TRIM2: variants seen among roughly 807,000 people sequenced by gnomAD.
TRIM2 encodes the protein tripartite motif-containing protein 2.
TRIM2 carries 20 observed loss-of-function variants against 75.2 expected under a neutral mutation model. The ratio of observed to expected loss-of-function variants is 0.27; its 90% CI spans 0.19 to 0.39. The LOEUF is 0.39. Ranked by LOEUF, TRIM2 falls within the 10% of genes least tolerant of loss-of-function variation. TRIM2 has a pLI of 1.00. For synonymous variants in TRIM2, 373 were observed against 388.3 expected, an observed-to-expected ratio of 0.96 and a Z score of 0.46; for missense variants, 660 against 990.8, an observed-to-expected ratio of 0.67 and a Z score of 4.48.
rs756395544 is a variant in TRIM2 at position 153,328,526 on chromosome 4, A to C, written c.2023-4A>C. 2 of 1,599,206 alleles carry C rather than the reference A, an allele frequency of 1.3e-6. No individual in the cohort carries two copies. The highest frequency in any genetic ancestry group is 2.3e-5 in the South Asian group (2 of 87,662). On this transcript the variant is annotated splice_region_variant and splice_polypyrimidine_tract_variant and intron_variant, in intron 10 of 11. Transcript: ENST00000338700. ...ACAAAATAATTTAAAAATATTTCAT[A>C]CAGGTGTTTAATCAGGAAGGAGAAT...
intron 1 of TRIM2, among the ~76,000 whole-genome samples, chr4:153,247,921 T>C (rs1367934011): frequency 1.3e-5 from 2 of 151,854 alleles, no homozygotes; most frequent in African/African-American, 4.8e-5. Context: ...CTCATAAATC[T>C]AGTAGTGGCC....
At chr4:153,164,050 A>T (rs1286791397) in intron 1 of TRIM2, among the ~76,000 whole-genome samples, 2 of 152,226 alleles carry the variant, frequency 1.3e-5, no homozygotes, top group Admixed American at 6.5e-5. Flanking sequence ...CTGTACAATT[A>T]AGCTAACTTC....
In TRIM2 at chr4:153,294,493, C is replaced by T; in HGVS notation, c.786+8C>T. On this transcript the variant is annotated splice_region_variant and intron_variant, in intron 5 of 11. Transcript: ENST00000338700. Reference sequence around the variant, plus strand: ...TATGGCCTCAAACACAAAGTAAGACCAGAATCATTACAGATGTCCTGGAAG... The same window carrying T: ...TATGGCCTCAAACACAAAGTAAGACTAGAATCATTACAGATGTCCTGGAAG... 1.2e-6 allele frequency: 2 copies of T among 1,611,990 alleles called. No homozygotes were observed. The highest frequency in any genetic ancestry group is 1.3e-5 in the African/African-American group (1 of 74,960).
At chr4:153,310,016 G>A (rs1765904541) in intron 6 of TRIM2, 1 of 152,178 alleles carries the variant, frequency 6.6e-6, no homozygotes, top group South Asian at 2.1e-4. Context: ...TTCACCTTAT[G>A]TAATCTTCCT....
intron 6 of TRIM2, among the ~76,000 whole-genome samples, chr4:153,300,911 C>G (rs1444047292): frequency 6.6e-6 from 1 of 151,376 alleles, no homozygotes; most frequent in Non-Finnish European, 1.5e-5. Context: ...GACATGGGGG[C>G]CGGGCACAGT....
In TRIM2 at chr4:153,204,681, G is replaced by T. The variant is rs993947681; in HGVS notation, c.30+121G>T. The T allele has an allele frequency of 3.2e-6, 4 of 1,268,016 alleles. No homozygotes were observed. The African/African-American group carries it at 6.0e-5, about 19-fold the overall frequency. 78.5% of individuals were successfully genotyped at this position (1,268,016 alleles called of 1,614,324 possible). A position where few individuals can be genotyped will look rare whatever the true frequency, so the allele number is the denominator to read the frequency against. On this transcript the variant is annotated intron_variant, in intron 1 of 11. Coordinates refer to ENST00000338700, the MANE Select transcript of TRIM2 (RefSeq NM_015271.5). ...TCCTGGTTTTAATTTTTTCCCTGCA[G>T]AAGAGGGAAGGAAAAGACTGGGATT...
intron 1 of TRIM2, among the ~76,000 whole-genome samples, chr4:153,234,834 T>C (rs1370466070): frequency 6.6e-6 from 1 of 152,202 alleles, no homozygotes; most frequent in East Asian, 1.9e-4. Context: ...CAGCAGCTAT[T>C]TGACATCTCC....
chr4:153,320,111 T>G (rs1022564233), intron 8 of TRIM2, among the ~76,000 whole-genome samples: 15 of 152,216 alleles, frequency 9.9e-5, no homozygotes, highest in African/African-American at 3.6e-4. Flanking sequence ...TGACTTACCC[T>G]CCATTTAGAC....
At chr4:153,240,920 T>C (rs895519763) in intron 1 of TRIM2, among the ~76,000 whole-genome samples, 10 of 152,082 alleles carry the variant, frequency 6.6e-5, no homozygotes, top group African/African-American at 2.4e-4. Flanking sequence ...CTACTAAAAA[T>C]ACAAAAATTA....
rs377614448 is a variant in TRIM2, at chr4:153,315,474, A to G, written c.1511-11A>G. 17 of 1,585,706 alleles carry G rather than the reference A, an allele frequency of 1.1e-5. No individual in the cohort carries two copies. Among genetic ancestry groups the G allele is most frequent in the Non-Finnish European group, 1.5e-5 (17 of 1,168,448 alleles). On this transcript the variant is annotated splice_polypyrimidine_tract_variant and intron_variant, in intron 6 of 11. Transcript: ENST00000338700. The stretch of plus-strand genomic sequence containing the variant: ...AGTGCTTAATTTTTATGATTTTATC[A>G]TTTATTTTAGGTACCAAAGGAAGAA...
At chr4:153,164,848 G>A (rs1029903616) in intron 1 of TRIM2, among the ~76,000 whole-genome samples, 1 of 152,068 alleles carries the variant, frequency 6.6e-6, no homozygotes, top group African/African-American at 2.4e-5. Context: ...CTAGGACCAT[G>A]TAAATATTGT....
intron 6 of TRIM2, chr4:153,308,799 G>C (rs1315736930): frequency 6.3e-6 from 3 of 473,842 alleles, no homozygotes; most frequent in African/African-American, 2.0e-5. Flanking sequence ...AGACCTGAGA[G>C]CGTCCCCAGA....
chr4:153,188,350 C>T (rs529879606), intron 1 of TRIM2, among the ~76,000 whole-genome samples: 8 of 152,138 alleles, frequency 5.3e-5, no homozygotes, highest in South Asian at 2.1e-4. Flanking sequence ...GTCCCAGCTA[C>T]TCAGGAGGCT....
intron 1 of TRIM2, among the ~76,000 whole-genome samples, chr4:153,255,810 A>G (rs945260141): frequency 1.3e-5 from 2 of 152,242 alleles, no homozygotes; most frequent in South Asian, 4.1e-4. Context: ...CACATGGATG[A>G]ACTTGGAAAA....
intron 1 of TRIM2, among the ~76,000 whole-genome samples, chr4:153,219,747 G>T (rs2149745147): frequency 6.6e-6 from 1 of 152,180 alleles, no homozygotes; most frequent in South Asian, 2.1e-4. Context: ...ACATGCCTCT[G>T]GTCCCAGCTA....
In TRIM2 at chr4:153,322,813, G is replaced by T; in HGVS notation, c.1948G>T (p.Ala650Ser). 1 of 1,614,164 alleles carries T rather than the reference G, an allele frequency of 6.2e-7. No homozygotes were observed. The highest frequency in any genetic ancestry group is 8.5e-7 in the Non-Finnish European group (1 of 1,180,018). Residue 650 changes from alanine (A) to serine (S), a missense_variant, in exon 9 of 12, where the codon GCA (alanine) becomes TCA (serine). Coordinates refer to ENST00000338700, the MANE Select transcript of TRIM2 (RefSeq NM_015271.5). ...CCGAGGAAATGGGGACAGGCAGTTT[G>T]CAGGTACACTCGATGGTAATATGTA... Reference protein sequence around the residue: ...GSRGNGDRQFAGPHFAAVNSN... With the variant: ...GSRGNGDRQFSGPHFAAVNSN...
chr4:153,159,440 A>G (rs1729546373), intron 1 of TRIM2, among the ~76,000 whole-genome samples: 1 of 151,642 alleles, frequency 6.6e-6, no homozygotes, highest in Non-Finnish European at 1.5e-5. Flanking sequence ...AGCTGGGACC[A>G]CAAGTGTGCA....
intron 2 of TRIM2, among the ~76,000 whole-genome samples, chr4:153,274,490 G>T (rs1429088687): frequency 6.6e-6 from 1 of 152,194 alleles, no homozygotes; most frequent in African/African-American, 2.4e-5. Flanking sequence ...TTGAGTTTTA[G>T]GACCTGCAAG....
intron 1 of TRIM2, among the ~76,000 whole-genome samples, chr4:153,180,474 GC>G: frequency 6.6e-6 from 1 of 152,298 alleles, no homozygotes; most frequent in Admixed American, 6.5e-5. Context: ...TTTCCCAGTT[GC>G]CATCTTACCT....
Sources: gnomAD v4.1 joint callset for allele counts (sites outside exome capture counted in the v4.1 genomes callset) on GRCh38, gnomAD v4.1.1 for gene constraint, MANE v1.5 for transcripts, NCBI Gene and HGNC (gene_info 2026-07-23, HGNC 2026-07-21) for gene names.